ABCC4: variants seen among roughly 807,000 people sequenced by gnomAD.
ABCC4 encodes the protein ATP-binding cassette sub-family C member 4.
ABCC4 carries 102 observed loss-of-function variants against 168.5 expected under a neutral mutation model. The observed-to-expected ratio is 0.61, with a 90% CI of 0.52 to 0.71. The LOEUF (loss-of-function observed/expected upper bound fraction) is 0.71. Among genes scored for constraint, ABCC4 ranks in the 30% least tolerant of loss-of-function variants. ABCC4 has a pLI of 0.00. For synonymous variants in ABCC4, 617 were observed against 590.7 expected (o/e 1.04, Z -0.65); for missense variants, 1,402 against 1,605.8 (o/e 0.87, Z 2.17).
chr13:95,205,716 T>C (rs2038759833), intron 8 of ABCC4, among the ~76,000 whole-genome samples: 1 of 152,162 alleles, frequency 6.6e-6, no homozygotes, highest in Admixed American at 6.5e-5. Flanking sequence ...CCAGCATCAG[T>C]GTTAAGAGGT....
At chr13:95,125,368 C>T (rs1245000317) in intron 19 of ABCC4, among the ~76,000 whole-genome samples, 1 of 152,168 alleles carries the variant, frequency 6.6e-6, no homozygotes, top group Non-Finnish European at 1.5e-5. Context: ...TAGGCTACTG[C>T]CTGCTGTACT....
At chr13:95,046,010 T>C (rs754832341) in intron 27 of ABCC4, among the ~76,000 whole-genome samples, 4 of 152,210 alleles carry the variant, frequency 2.6e-5, no homozygotes, top group Non-Finnish European at 5.9e-5. Context: ...AAATCCGAAG[T>C]GTAAGATTTG....
intron 22 of ABCC4, among the ~76,000 whole-genome samples, 155 bp from the exon 23 acceptor site, chr13:95,074,479 G>A (rs1240879208): frequency 6.6e-6 from 1 of 152,142 alleles, no homozygotes. Context: ...AGTGATACAG[G>A]CAATATACGA....
intron 20 of ABCC4, among the ~76,000 whole-genome samples, chr13:95,105,776 T>C (rs1477494946): frequency 6.6e-6 from 1 of 151,838 alleles, no homozygotes; most frequent in Non-Finnish European, 1.5e-5. Context: ...TGGAATGGAG[T>C]GATCTGCTGT....
At chr13:95,213,212 G>A (rs143422207) in intron 4 of ABCC4, among the ~76,000 whole-genome samples, 166 of 151,922 alleles carry the variant, frequency 1.1e-3, no homozygotes, top group Non-Finnish European at 1.0e-3. Context: ...GCCCTCCCCT[G>A]GAAAACTGTA....
intron 19 of ABCC4, among the ~76,000 whole-genome samples, chr13:95,159,621 T>C (rs2037021553): frequency 6.6e-6 from 1 of 152,186 alleles, no homozygotes; most frequent in South Asian, 2.1e-4. Context: ...CTCCAAATGT[T>C]ATGACTGTAG....
At chr13:95,267,999 T>G (rs1250339159) in intron 1 of ABCC4, among the ~76,000 whole-genome samples, 3 of 152,156 alleles carry the variant, frequency 2.0e-5, no homozygotes. Context: ...GGCAATACTC[T>G]GGGCATTGTC....
intron 13 of ABCC4, among the ~76,000 whole-genome samples, chr13:95,175,733 G>A (rs1336068092): frequency 6.6e-6 from 1 of 152,238 alleles, no homozygotes; most frequent in Non-Finnish European, 1.5e-5. Context: ...AGAAAAGGGT[G>A]AGAAGGCAGC....
intron 4 of ABCC4, among the ~76,000 whole-genome samples, chr13:95,227,318 C>T (rs1017086351): frequency 2.0e-5 from 3 of 152,194 alleles, no homozygotes; most frequent in Non-Finnish European, 4.4e-5. Context: ...AGAAGACTGA[C>T]AAATTGTCCC....
Position 95,247,699 on chromosome 13 carries a change from A to G in ABCC4, c.129T>C (p.Asp43=). The G allele has an allele frequency of 1.2e-6, 2 of 1,614,086 alleles. No individual in the cohort carries two copies. Among genetic ancestry groups the G allele is most frequent in the South Asian group, 2.2e-5 (2 of 91,060 alleles). The change falls in exon 2 of 31, where the codon GAT becomes GAC. Residue 43 remains aspartate, a synonymous_variant. Transcript: ENST00000645237. Reference sequence around the variant, plus strand: ...GGTCTTCTGGCAGCACTGAATACATATCATCTTCCTCTAATCTCCGTTTAT... The same window carrying G: ...GGTCTTCTGGCAGCACTGAATACATGTCATCTTCCTCTAATCTCCGTTTAT... The part of the protein sequence containing the change: ...IGHKRRLEED[D]MYSVLPEDRS...
chr13:95,261,060 C>T (rs766926069), intron 1 of ABCC4, among the ~76,000 whole-genome samples: 2 of 151,954 alleles, frequency 1.3e-5, no homozygotes, highest in Admixed American at 6.6e-5. Context: ...AGAAAAACAT[C>T]GCAACCCAAG....
intron 30 of ABCC4, among the ~76,000 whole-genome samples, chr13:95,033,884 A>T (rs2032003753): frequency 6.6e-6 from 1 of 151,756 alleles, no homozygotes; most frequent in East Asian, 1.9e-4. Context: ...CTGGTCTCAG[A>T]CTCCCAACCT....
At chr13:95,218,970 AAAGAAAG>A (rs2039221418) in intron 4 of ABCC4, among the ~76,000 whole-genome samples, 1 of 39,724 alleles carries the variant, frequency 2.5e-5, no homozygotes, top group East Asian at 3.7e-4. Context: ...AGAAAGAAAG[AAAGAAAG>A]AAAGAAAGAG....
intron 1 of ABCC4, chr13:95,266,403 C>G (rs953704661): frequency 6.6e-6 from 1 of 152,296 alleles, no homozygotes; most frequent in Non-Finnish European, 1.5e-5. Context: ...CCCCACCATA[C>G]CAAGGGAACA....
chr13:95,191,418 T>C (rs2038247533), intron 9 of ABCC4, among the ~76,000 whole-genome samples: 2 of 152,260 alleles, frequency 1.3e-5, no homozygotes, highest in African/African-American at 4.8e-5. Context: ...ATAGGAATTA[T>C]ATAACAACCA....
chr13:95,148,555 T>TAA (rs1286155375), intron 19 of ABCC4, among the ~76,000 whole-genome samples: 1 of 149,022 alleles, frequency 6.7e-6, no homozygotes, highest in Non-Finnish European at 1.5e-5. Flanking sequence ...ACAAGCTAAC[T>TAA]AAAAAGTCTC....
intron 29 of ABCC4, 45 bp downstream of exon 29, chr13:95,043,637 G>T: frequency 6.8e-7 from 1 of 1,475,396 alleles, no homozygotes; most frequent in Non-Finnish European, 9.4e-7. Context: ...CTGAAAAAGT[G>T]AACATAATTG....
chr13:95,216,286 A>G (rs2039107094), intron 4 of ABCC4, among the ~76,000 whole-genome samples: 1 of 152,226 alleles, frequency 6.6e-6, no homozygotes, highest in Admixed American at 6.5e-5. Flanking sequence ...TTATAGTTTA[A>G]AAGAGTTCAC....
chr13:95,047,404 A>G (rs748586981), intron 27 of ABCC4, among the ~76,000 whole-genome samples: 3 of 151,180 alleles, frequency 2.0e-5, no homozygotes, highest in Non-Finnish European at 4.4e-5. Context: ...GGTACCAAGT[A>G]AGAGATCAAT....
Sources: allele counts gnomAD v4.1 joint callset (sites outside exome capture counted in the v4.1 genomes callset), GRCh38; gene constraint gnomAD v4.1.1; transcripts MANE v1.5; gene names NCBI Gene and HGNC (gene_info 2026-07-23, HGNC 2026-07-21).